The following ZNF717 variants were observed in gnomAD, a reference collection of about 807,000 sequenced individuals.
ZNF717 encodes the protein zinc finger protein 717, also known as krueppel-like factor X17.
A neutral mutation model predicts 13.8 loss-of-function variants in ZNF717; 9 were observed. The ratio of observed to expected loss-of-function variants is 0.65; its 90% CI spans 0.39 to 1.14. ZNF717 has a LOEUF of 1.14. ZNF717 is among the 50% of genes most tolerant of loss of function. ZNF717 has a pLI of 0.01. For missense variants in ZNF717, 1,040 were observed against 1,080.7 expected (o/e 0.96, Z 0.53); for synonymous variants, 327 against 364.1 (o/e 0.90, Z 1.16).
At chr3:75,715,479 A>G (rs1938029719) in intron 5 of ZNF717, among the ~76,000 whole-genome samples, 1 of 152,202 alleles carries the variant, frequency 6.6e-6, no homozygotes, top group South Asian at 2.1e-4. Flanking sequence ...TTGATCTGAG[A>G]GCCTAATTTC....
rs75388892 is a variant in ZNF717, at chr3:75,738,776, A to T, written c.847T>A (p.Tyr283Asn). 10 of 1,552,976 alleles carry T rather than the reference A, an allele frequency of 6.4e-6. No homozygotes were observed. The Middle Eastern group carries it at 8.3e-4, about 129-fold the overall frequency. Residue 283 changes from tyrosine to asparagine, a missense_variant, in exon 5 of 5, where the codon TAT (tyrosine) becomes AAT (asparagine). Around this residue, in one of 3 missense-constraint regions of ZNF717, gnomAD observed 873 missense variants for 832.8 expected, o/e 1.05. Transcript: ENST00000652011. Reference protein sequence around the residue: ...HQQTHTGEKPYECVECEKPSI... With the variant: ...HQQTHTGEKPNECVECEKPSI... ...GGTTTCTCACATTCAACACATTCAT[A>T]GGGTTTCTCTCCTGTGTGTGTCTGC...
At chr3:75,696,006 T>C (rs1378442542) in intron 6 of ZNF717, among the ~76,000 whole-genome samples, 1 of 152,266 alleles carries the variant, frequency 6.6e-6, no homozygotes, top group African/African-American at 2.4e-5. Context: ...AAGAAAACAA[T>C]GCAAAAGACT....
rs1937603705 is a variant in ZNF717 at position 75,696,410 on chromosome 3, A to T, written n.1085+14777T>A. 3.9e-5 allele frequency among the ~76,000 whole-genome samples: 6 copies of T among 152,342 alleles called. No homozygotes were observed. The South Asian group carries it at 1.0e-3, about 27-fold the overall frequency. On this transcript the variant is annotated intron_variant and non_coding_transcript_variant, in intron 6 of 6. Coordinates refer to the ZNF717 transcript ENST00000648506. ...AGTATTACCCTGATATCAAAACCAGACAGAGACACATTAAAAAAGCAAACT... is the reference window on the plus strand; with the variant it reads ...AGTATTACCCTGATATCAAAACCAGTCAGAGACACATTAAAAAAGCAAACT...
downstream of ZNF717, among the ~76,000 whole-genome samples, chr3:75,734,570 C>A (rs1359747934): frequency 6.6e-6 from 1 of 150,996 alleles, no homozygotes; most frequent in African/African-American, 2.4e-5. Flanking sequence ...GTAGCTGGGA[C>A]AACAGACACC....
downstream of ZNF717, among the ~76,000 whole-genome samples, chr3:75,704,990 T>C (rs575144953): frequency 8.7e-3 from 1,314 of 151,794 alleles, no homozygotes; most frequent in African/African-American, 0.031. Context: ...TAAGATCAGA[T>C]ATGCCTGTTT....
chr3:75,782,454 T>C (rs1198267896), intron 2 of ZNF717, among the ~76,000 whole-genome samples: 8 of 152,244 alleles, frequency 5.3e-5, no homozygotes, highest in Non-Finnish European at 5.9e-5. Flanking sequence ...GGAGCATACC[T>C]TACAATGGAA....
intron 4 of ZNF717, among the ~76,000 whole-genome samples, chr3:75,723,202 T>C (rs1303521505): frequency 1.3e-5 from 2 of 152,144 alleles, no homozygotes; most frequent in African/African-American, 4.8e-5. Context: ...GAAAACTTTT[T>C]ACATTTTCAG....
downstream of ZNF717, among the ~76,000 whole-genome samples, chr3:75,706,809 A>C (rs1462203388): frequency 1.3e-5 from 2 of 152,228 alleles, no homozygotes; most frequent in African/African-American, 2.4e-5. Context: ...GTATGGGAGC[A>C]GATGACTCTG....
intron 2 of ZNF717, among the ~76,000 whole-genome samples, chr3:75,753,157 G>C (rs113310657): frequency 1.3e-5 from 2 of 149,876 alleles, no homozygotes; most frequent in Non-Finnish European, 3.0e-5. Context: ...GCTGGGTTTT[G>C]AATGTCTGTC....
chr3:75,719,656 C>T (rs1244158051), intron 4 of ZNF717, among the ~76,000 whole-genome samples: 1 of 152,076 alleles, frequency 6.6e-6, no homozygotes, highest in Non-Finnish European at 1.5e-5. Flanking sequence ...GTACAAAATT[C>T]TACTTTAGAA....
chr3:75,711,526 T>C (rs1293996107), intron 5 of ZNF717, among the ~76,000 whole-genome samples: 26 of 152,220 alleles, frequency 1.7e-4, no homozygotes, highest in Admixed American at 1.3e-3. Flanking sequence ...CCAGGCACAG[T>C]GGCTCACATC....
At chr3:75,759,336 C>T (rs1942772960) in intron 2 of ZNF717, among the ~76,000 whole-genome samples, 1 of 148,498 alleles carries the variant, frequency 6.7e-6, no homozygotes, top group Non-Finnish European at 1.5e-5. Flanking sequence ...AGTGCAGTGG[C>T]GTGATCTCGG....
chr3:75,751,128 T>C (rs62268063), intron 2 of ZNF717, among the ~76,000 whole-genome samples: 14,562 of 151,078 alleles, frequency 0.096, 1,344 homozygotes, highest in African/African-American at 0.22. Flanking sequence ...ATGTTTGCCC[T>C]TCAAATAGTA....
chr3:75,782,871 G>A (rs749949946), intron 2 of ZNF717, among the ~76,000 whole-genome samples: 51 of 151,800 alleles, frequency 3.4e-4, no homozygotes, highest in Non-Finnish European at 6.5e-4. Context: ...TGCACAACAT[G>A]CCGTGCTTTA....
chr3:75,721,481 A>G (rs143006637), intron 4 of ZNF717, among the ~76,000 whole-genome samples: 1 of 152,120 alleles, frequency 6.6e-6, no homozygotes, highest in African/African-American at 2.4e-5. Flanking sequence ...GGGTTTTGCA[A>G]TGTTGGCCAG....
At chr3:75,771,461 T>C (rs1406499345) in intron 2 of ZNF717, among the ~76,000 whole-genome samples, 3 of 152,174 alleles carry the variant, frequency 2.0e-5, no homozygotes, top group South Asian at 2.1e-4. Context: ...TTTCTTTTAA[T>C]AGTTGGTGTC....
chr3:75,738,164 T>TTTTC lies in ZNF717; in HGVS notation c.1455_1458dup (p.Thr487GlufsTer6). The TTTTC allele has an allele frequency of 1.6e-5, 22 of 1,372,312 alleles. 1 individual carries two copies. The South Asian group carries it at 3.0e-4, about 18-fold the overall frequency. The allele number at this position is 1,372,312 out of a possible 1,614,324, so 85.0% of individuals were successfully genotyped here. A position where few individuals can be genotyped will look rare whatever the true frequency, so the allele number is the denominator to read the frequency against. On this transcript the variant is annotated frameshift_variant, in exon 5 of 5. Coordinates refer to ENST00000652011, the MANE Select transcript of ZNF717 (RefSeq NM_001290208.3). LOFTEE classifies it low-confidence loss of function (END_TRUNC). ...GTGAGGAATGACTTACGGTGAAACG[T>TTTTC]TTTCCCACATTCATTGCATTCATAG...
intron 6 of ZNF717, among the ~76,000 whole-genome samples, chr3:75,698,166 G>A (rs1937625886): frequency 4.0e-5 from 5 of 125,604 alleles, no homozygotes; most frequent in African/African-American, 1.2e-4. Flanking sequence ...AAAAAAAAAG[G>A]TTGTAACTTA....
chr3:75,709,158 C>G (rs1223465815), downstream of ZNF717, among the ~76,000 whole-genome samples: 1 of 151,894 alleles, frequency 6.6e-6, no homozygotes, highest in Non-Finnish European at 1.5e-5. Flanking sequence ...GCCACCAAAC[C>G]CAGCTATTTT....
Sources: allele counts gnomAD v4.1 joint callset (sites outside exome capture counted in the v4.1 genomes callset), GRCh38; gene constraint gnomAD v4.1.1; regional missense constraint gnomAD v4.1.1; transcripts MANE v1.5; gene names NCBI Gene and HGNC (gene_info 2026-07-23, HGNC 2026-07-21).